The following AGBL4 variants were observed in gnomAD, a reference collection of about 807,000 sequenced individuals.
AGBL4 encodes AGBL carboxypeptidase 4, also known as cytosolic carboxypeptidase 6.
Under a neutral mutation model 66.4 loss-of-function variants are expected in AGBL4, and 58 were observed. The ratio of observed to expected loss-of-function variants is 0.87; its 90% confidence interval spans 0.71 to 1.09. The LOEUF (loss-of-function observed/expected upper bound fraction) is 1.09. Ranked by LOEUF, AGBL4 falls within the 50% of genes least tolerant of loss-of-function variation. The pLI, the probability that AGBL4 is intolerant of heterozygous loss-of-function variation, is 0.00. For synonymous variants in AGBL4, 234 were observed against 222.9 expected (o/e 1.05, Z -0.44); for missense variants, 579 against 631.0 (o/e 0.92, Z 0.88).
At chr1:49,536,724 A>C (rs1368298771) in intron 3 of AGBL4, among the ~76,000 whole-genome samples, 1 of 152,214 alleles carries the variant, frequency 6.6e-6, no homozygotes, top group Non-Finnish European at 1.5e-5. Flanking sequence ...AATGAAACAG[A>C]ATAGAGAACC....
intron 6 of AGBL4, among the ~76,000 whole-genome samples, chr1:48,814,692 A>G (rs2148762169): frequency 6.6e-6 from 1 of 150,606 alleles, no homozygotes; most frequent in East Asian, 2.0e-4. Flanking sequence ...ATTTCACTTT[A>G]CAGAATGTCC....
intron 2 of AGBL4, among the ~76,000 whole-genome samples, chr1:49,761,074 C>CGGA (rs1488572099): frequency 6.7e-6 from 1 of 150,262 alleles, no homozygotes; most frequent in Non-Finnish European, 1.5e-5. Flanking sequence ...GTGCAGCAAA[C>CGGA]CACCATGGCA....
chr1:48,847,684 G>C (rs1228144790), intron 6 of AGBL4, among the ~76,000 whole-genome samples: 11 of 152,110 alleles, frequency 7.2e-5, no homozygotes, highest in Non-Finnish European at 1.6e-4. Flanking sequence ...TAAATGTCTT[G>C]GGGACAGAGA....
chr1:48,952,774 C>T (rs896545311), intron 5 of AGBL4, among the ~76,000 whole-genome samples: 1 of 152,184 alleles, frequency 6.6e-6, no homozygotes. Context: ...AACTCACAGC[C>T]TGTGGGCCAC....
intron 5 of AGBL4, among the ~76,000 whole-genome samples, chr1:48,914,360 A>G (rs1653407458): frequency 6.6e-6 from 1 of 152,168 alleles, no homozygotes; most frequent in Admixed American, 6.5e-5. Context: ...GACCTTGACC[A>G]GAGAAGCTTC....
At chr1:48,871,894 G>T (rs967339549) in intron 5 of AGBL4, among the ~76,000 whole-genome samples, 4 of 152,052 alleles carry the variant, frequency 2.6e-5, no homozygotes, top group African/African-American at 9.7e-5. Flanking sequence ...TTCTCCAAAG[G>T]TAGAAGTCCT....
At chr1:48,660,800 G>T (rs1646094998) in intron 7 of AGBL4, among the ~76,000 whole-genome samples, 1 of 151,652 alleles carries the variant, frequency 6.6e-6, no homozygotes, top group Non-Finnish European at 1.5e-5. Context: ...TCCGCATCCT[G>T]ATCTGTAAAA....
chr1:49,347,303 G>A (rs1645652475), intron 3 of AGBL4, among the ~76,000 whole-genome samples: 1 of 144,686 alleles, frequency 6.9e-6, no homozygotes, highest in Non-Finnish European at 1.5e-5. Context: ...CCAGGCTGGA[G>A]TGCAGTGGCA....
intron 3 of AGBL4, among the ~76,000 whole-genome samples, chr1:49,682,464 T>A (rs1021062370): frequency 6.6e-6 from 1 of 152,140 alleles, no homozygotes; most frequent in African/African-American, 2.4e-5. Context: ...TCATTAATGA[T>A]TGTGTAAGAA....
chr1:49,408,148 T>C (rs1334559354), intron 3 of AGBL4, among the ~76,000 whole-genome samples: 1 of 152,120 alleles, frequency 6.6e-6, no homozygotes, highest in Non-Finnish European at 1.5e-5. Context: ...AGGTAAGAGA[T>C]TGCTTCCTGT....
chr1:49,148,646 G>A lies in AGBL4; in HGVS notation c.377+97124C>T, dbSNP rs189813006. 8.6e-4 allele frequency among the ~76,000 whole-genome samples: 131 copies of A among 152,292 alleles called. 1 individual carries two copies. The highest frequency in any genetic ancestry group is 4.9e-4 in the Non-Finnish European group (33 of 68,032). On this transcript the variant is annotated intron_variant, in intron 4 of 13. Coordinates refer to ENST00000371839, the MANE Select transcript of AGBL4 (RefSeq NM_032785.4). ...TGAGCCCTGGTTCCTCTGGGTCCTGGTCACTAGACGTGCCTAACTTGAAAT... is the reference window on the plus strand; with the variant it reads ...TGAGCCCTGGTTCCTCTGGGTCCTGATCACTAGACGTGCCTAACTTGAAAT...
intron 4 of AGBL4, among the ~76,000 whole-genome samples, chr1:49,189,161 G>A (rs1647069471): frequency 6.6e-6 from 1 of 152,168 alleles, no homozygotes; most frequent in African/African-American, 2.4e-5. Context: ...ACATTTGAGG[G>A]CAGTATGGAA....
intron 3 of AGBL4, among the ~76,000 whole-genome samples, chr1:49,533,971 G>T (rs1476987833): frequency 6.6e-6 from 1 of 152,024 alleles, no homozygotes; most frequent in Non-Finnish European, 1.5e-5. Flanking sequence ...CAGATTTGGG[G>T]ATTTCGCCAA....
At chr1:48,575,145 G>T (rs140559751) in intron 11 of AGBL4, among the ~76,000 whole-genome samples, 59 of 152,292 alleles carry the variant, frequency 3.9e-4, no homozygotes, top group African/African-American at 1.1e-3. Context: ...CAGCAAGTCA[G>T]CAGCAGAGAC....
intron 3 of AGBL4, among the ~76,000 whole-genome samples, chr1:49,584,570 T>C (rs1486765844): frequency 6.6e-6 from 1 of 152,140 alleles, no homozygotes; most frequent in Admixed American, 6.5e-5. Context: ...ACATGCTCAA[T>C]TTCTTTTTTT....
intron 11 of AGBL4, among the ~76,000 whole-genome samples, chr1:48,577,051 C>T (rs1644665429): frequency 6.6e-6 from 1 of 152,138 alleles, no homozygotes; most frequent in Non-Finnish European, 1.5e-5. Flanking sequence ...CTCAAATGTT[C>T]CAGGCGTTCA....
At chr1:49,065,296 G>GGGGTGATGACAGAAAGAATTA (rs1644472454) in intron 4 of AGBL4, among the ~76,000 whole-genome samples, 1 of 152,204 alleles carries the variant, frequency 6.6e-6, no homozygotes, top group Non-Finnish European at 1.5e-5. Flanking sequence ...AGACATAGGT[G>GGGGTGATGACAGAAAGAATTA]GGGTGATGAC....
At chr1:49,421,398 G>A (rs1570675579) in intron 3 of AGBL4, among the ~76,000 whole-genome samples, 1 of 152,046 alleles carries the variant, frequency 6.6e-6, no homozygotes, top group East Asian at 1.9e-4. Flanking sequence ...GAAGCTGTGG[G>A]TACTATGTCA....
At chr1:48,938,382 A>C (rs1379572166) in intron 5 of AGBL4, among the ~76,000 whole-genome samples, 1 of 152,220 alleles carries the variant, frequency 6.6e-6, no homozygotes, top group Non-Finnish European at 1.5e-5. Context: ...TTAAATAAGT[A>C]TATAAAATAT....
Sources: allele counts gnomAD v4.1 joint callset (sites outside exome capture counted in the v4.1 genomes callset), GRCh38; gene constraint gnomAD v4.1.1; transcripts MANE v1.5; gene names NCBI Gene and HGNC (gene_info 2026-07-23, HGNC 2026-07-21).